Variants in ABCC9 observed in about 807,000 individuals in gnomAD.
The protein encoded by ABCC9 is ATP-binding cassette sub-family C member 9.
ABCC9 carries 95 observed loss-of-function variants against 188.3 expected under a neutral mutation model. The ratio of observed to expected loss-of-function variants is 0.50; its 90% CI spans 0.43 to 0.60. The LOEUF (loss-of-function observed/expected upper bound fraction) is 0.60, where lower values mean the gene tolerates loss of function less well. Among genes scored for constraint, ABCC9 ranks in the 20% least tolerant of loss-of-function variants. The probability of loss-of-function intolerance (pLI) is 0.00; values close to 1 mark genes in which losing one functional copy is unlikely to be tolerated. For synonymous variants in ABCC9, 659 were observed against 652.7 expected (o/e 1.01, Z -0.15); for missense variants, 1,102 against 1,876.3 (o/e 0.59, Z 7.62).
chr12:21,829,709 T>G, intron 30 of ABCC9, among the ~76,000 whole-genome samples: 1 of 152,168 alleles, frequency 6.6e-6, no homozygotes, highest in East Asian at 1.9e-4. Flanking sequence ...CCTACTACAT[T>G]AAAAGGGCCT....
Position 21,800,992 on chromosome 12 carries a change from T to A in ABCC9, c.*52A>T. 6.2e-7 allele frequency: 1 copy of A among 1,607,558 alleles called. No homozygotes were observed. Among genetic ancestry groups the A allele is most frequent in the Non-Finnish European group, 8.5e-7 (1 of 1,176,162 alleles). On this transcript the variant is annotated 3_prime_UTR_variant, in exon 40 of 40. Coordinates refer to ENST00000261200, the MANE Select transcript of ABCC9 (RefSeq NM_020297.4). ...AGAGGTCAAGCTGATGATCCATTAATTAGGTTATGACTGCATTATTTTAAA... is the reference window on the plus strand; with the variant it reads ...AGAGGTCAAGCTGATGATCCATTAAATAGGTTATGACTGCATTATTTTAAA...
intron 31 of ABCC9, among the ~76,000 whole-genome samples, chr12:21,827,734 A>G (rs1258232494): frequency 6.6e-6 from 1 of 152,224 alleles, no homozygotes; most frequent in Non-Finnish European, 1.5e-5. Context: ...CCTTCTTCCA[A>G]CTGTCACAGC....
chr12:21,825,657 A>C (rs1288789353), intron 31 of ABCC9, among the ~76,000 whole-genome samples: 1 of 134,008 alleles, frequency 7.5e-6, no homozygotes, highest in Non-Finnish European at 1.6e-5. Flanking sequence ...GTGGGGGGCT[A>C]GGGGAGGGAT....
chr12:21,825,526 A>T (rs1943322037), intron 31 of ABCC9, among the ~76,000 whole-genome samples: 1 of 152,116 alleles, frequency 6.6e-6, no homozygotes, highest in Admixed American at 6.6e-5. Context: ...CATCATCCTC[A>T]GCAAACTAAC....
chr12:21,920,756 T>C (rs1490363399), intron 5 of ABCC9, among the ~76,000 whole-genome samples: 3 of 152,046 alleles, frequency 2.0e-5, no homozygotes, highest in Non-Finnish European at 4.4e-5. Context: ...CATTCTACTC[T>C]CTATCTCCAT....
intron 22 of ABCC9, 28 bp from the exon 23 acceptor site, chr12:21,852,533 G>A (rs1945022889): frequency 1.2e-6 from 2 of 1,604,862 alleles, no homozygotes; most frequent in Non-Finnish European, 1.7e-6. Flanking sequence ...GAGGAAAGAT[G>A]GACGTTTTCT....
chr12:21,896,486 G>A (rs1029759989), intron 12 of ABCC9, among the ~76,000 whole-genome samples: 4 of 152,076 alleles, frequency 2.6e-5, no homozygotes, highest in Middle Eastern at 3.4e-3. Context: ...CAGGATATGC[G>A]GGCTTGTTAC....
chr12:21,830,061 T>C (rs1943669092), intron 30 of ABCC9, among the ~76,000 whole-genome samples: 1 of 152,180 alleles, frequency 6.6e-6, no homozygotes, highest in South Asian at 2.1e-4. Context: ...CAGGGTTCTA[T>C]GATATATATC....
At chr12:21,856,613 T>C (rs1945241018) in intron 22 of ABCC9, among the ~76,000 whole-genome samples, 1 of 152,206 alleles carries the variant, frequency 6.6e-6, no homozygotes, top group Non-Finnish European at 1.5e-5. Context: ...ACTATTCAAG[T>C]GACATGTACA....
At position 21,879,011 on chromosome 12, in the gene ABCC9, G is replaced by C. The variant is rs186357614; in HGVS notation, c.2020-3285C>G. On this transcript the variant is annotated intron_variant, in intron 16 of 39. Coordinates refer to ENST00000261200, the MANE Select transcript of ABCC9 (RefSeq NM_020297.4). ...ATCATGTAAGGATAGGTACAATGATGATCATCATAACGGGGTTTATGATAG... is the reference window on the plus strand; with the variant it reads ...ATCATGTAAGGATAGGTACAATGATCATCATCATAACGGGGTTTATGATAG... 7.2e-5 allele frequency among the ~76,000 whole-genome samples: 11 copies of C among 152,304 alleles called. No homozygotes were observed. The East Asian group carries it at 1.9e-3, about 27-fold the overall frequency.
In ABCC9 at chr12:21,799,764, T is replaced by A. The variant is rs1941343933; in HGVS notation, c.*1280A>T. On this transcript the variant is annotated 3_prime_UTR_variant, in exon 40 of 40. Transcript: ENST00000261200. Reference sequence around the variant, plus strand: ...CTTACAATGCATGTGGATCTTCATATGAAAAAGAAATCAATGATATTGACA... The same window carrying A: ...CTTACAATGCATGTGGATCTTCATAAGAAAAAGAAATCAATGATATTGACA... 6.6e-6 allele frequency: 1 copy of A among 152,196 alleles called. No individual in the cohort carries two copies. Among genetic ancestry groups the A allele is most frequent in the African/African-American group, 2.4e-5 (1 of 41,446 alleles). The allele number at this position is 152,196 out of a possible 1,614,324, so 9.4% of individuals were successfully genotyped here.
chr12:21,930,399 A>G (rs1949234891), intron 4 of ABCC9, among the ~76,000 whole-genome samples: 1 of 152,166 alleles, frequency 6.6e-6, no homozygotes, highest in African/African-American at 2.4e-5. Context: ...TAAAAATTCA[A>G]ATTTTTTTTT....
chr12:21,845,558 C>T (rs763177409), intron 26 of ABCC9, 45 bp downstream of exon 26: 1 of 1,490,386 alleles, frequency 6.7e-7, no homozygotes, highest in Non-Finnish European at 9.3e-7. Context: ...CTGTTAATCT[C>T]AATATTTCCT....
chr12:21,811,974 ACT>A (rs1202330365), intron 36 of ABCC9, 73 bp downstream of exon 36: 2 of 1,030,580 alleles, frequency 1.9e-6, no homozygotes, highest in East Asian at 2.4e-5. Flanking sequence ...CTGAAAAATG[ACT>A]CTGAGTAAAA....
chr12:21,810,981 G>A (rs1328291417), intron 36 of ABCC9, among the ~76,000 whole-genome samples: 1 of 152,122 alleles, frequency 6.6e-6, no homozygotes, highest in Non-Finnish European at 1.5e-5. Context: ...TGAGAGATGT[G>A]ATCTGGGGGA....
intron 20 of ABCC9, 52 bp downstream of exon 20, chr12:21,862,901 G>A (rs1945591754): frequency 5.2e-6 from 6 of 1,146,488 alleles, no homozygotes; most frequent in Admixed American, 1.7e-5. Flanking sequence ...CCAAACACAC[G>A]AGTCAGAAAG....
chr12:21,836,734 G>T (rs757104327), intron 30 of ABCC9, among the ~76,000 whole-genome samples: 6 of 151,988 alleles, frequency 3.9e-5, no homozygotes, highest in Non-Finnish European at 8.8e-5. Flanking sequence ...TTAGTCCCAG[G>T]CACTTTTCCC....
At position 21,799,251 on chromosome 12, in the gene ABCC9, A is replaced by G. The variant is rs1384560968; in HGVS notation, c.*1793T>C. ...ACCCTAAAACTTAAAGTATATTAAA[A>G]AAAAAATTAAAAAAAAAAAAGAAAA... is the stretch of plus-strand genomic sequence containing the variant. On this transcript the variant is annotated 3_prime_UTR_variant, in exon 40 of 40. Transcript: ENST00000261200. 1.3e-5 allele frequency: 2 copies of G among 151,606 alleles called. No homozygotes were observed. The highest frequency in any genetic ancestry group is 4.8e-5 in the African/African-American group (2 of 41,278). The allele number at this position is 151,606 out of a possible 1,614,324, so 9.4% of individuals were successfully genotyped here. A position where few individuals can be genotyped will look rare whatever the true frequency, so the allele number is the denominator to read the frequency against.
At chr12:21,844,737 T>G (rs1283678264) in intron 27 of ABCC9, 30 bp downstream of exon 27, 8 of 1,611,942 alleles carry the variant, frequency 5.0e-6, no homozygotes, top group Admixed American at 1.7e-5. Flanking sequence ...TTATTTTATG[T>G]GTGGGAGTGA....
Sources: gnomAD v4.1 joint callset for allele counts (sites outside exome capture counted in the v4.1 genomes callset) on GRCh38, gnomAD v4.1.1 for gene constraint, MANE v1.5 for transcripts, NCBI Gene and HGNC (gene_info 2026-07-23, HGNC 2026-07-21) for gene names.